Variants in ADGRL2 observed in about 807,000 individuals in gnomAD.
ADGRL2 encodes calcium-independent alpha-latrotoxin receptor 2.
In ADGRL2, 44 loss-of-function variants were observed where a neutral mutation model predicts 157.4. The ratio of observed to expected loss-of-function variants is 0.28; its 90% CI spans 0.22 to 0.36. ADGRL2 has a LOEUF of 0.36. ADGRL2 is among the 10% of genes least tolerant of loss of function. The pLI, the probability that ADGRL2 is intolerant of heterozygous loss-of-function variation, is 1.00. For synonymous variants in ADGRL2, 585 were observed against 624.7 expected, an observed-to-expected ratio of 0.94 and a Z score of 0.95; for missense variants, 1,510 against 1,768.9, an observed-to-expected ratio of 0.85 and a Z score of 2.63.
At chr1:81,488,754 C>T (rs983609909) in intron 2 of ADGRL2, among the ~76,000 whole-genome samples, 1 of 151,336 alleles carries the variant, frequency 6.6e-6, no homozygotes, top group Non-Finnish European at 1.5e-5. Context: ...AACCATGAGT[C>T]GTACAAAGAA....
chr1:81,953,140 C>G (rs1652381065), intron 10 of ADGRL2, 115 bp downstream of exon 10: 1 of 805,952 alleles, frequency 1.2e-6, no homozygotes. Flanking sequence ...ATAATGTGCC[C>G]CATATCAGCT....
intron 3 of ADGRL2, among the ~76,000 whole-genome samples, chr1:81,683,669 G>GTGTA (rs954413076): frequency 2.6e-5 from 4 of 152,048 alleles, no homozygotes; most frequent in Non-Finnish European, 5.9e-5. Flanking sequence ...GTGTGTGTGT[G>GTGTA]TGTATGTATG....
chr1:81,592,995 T>C (rs4650373), intron 3 of ADGRL2, among the ~76,000 whole-genome samples: 54,293 of 152,026 alleles, frequency 0.36, 10,066 homozygotes, highest in Non-Finnish European at 0.4. Context: ...CTTCTGTTTA[T>C]GACCTAGAAG....
At chr1:81,492,650 T>C (rs879893959) in intron 2 of ADGRL2, among the ~76,000 whole-genome samples, 14 of 152,318 alleles carry the variant, frequency 9.2e-5, no homozygotes, top group Middle Eastern at 3.4e-3. Flanking sequence ...TTTCTAAAGT[T>C]GGAAAAACTA....
At chr1:81,433,555 T>G (rs934963360) in intron 1 of ADGRL2, among the ~76,000 whole-genome samples, 10 of 152,172 alleles carry the variant, frequency 6.6e-5, no homozygotes, top group Non-Finnish European at 1.3e-4. Context: ...TAGGCTGTTT[T>G]GGGGAGAGTT....
chr1:81,380,331 G>A (rs2076322607), intron 1 of ADGRL2, among the ~76,000 whole-genome samples: 1 of 152,254 alleles, frequency 6.6e-6, no homozygotes, highest in African/African-American at 2.4e-5. Flanking sequence ...CTTATTAAAC[G>A]TAGAATGGGA....
intron 1 of ADGRL2, among the ~76,000 whole-genome samples, chr1:81,430,548 G>T (rs1024478928): frequency 9.8e-5 from 15 of 152,294 alleles, no homozygotes; most frequent in African/African-American, 2.4e-4. Flanking sequence ...TGGTGTAAAA[G>T]TTGCCAGGTC....
At chr1:81,722,218 G>A (rs544266780) in intron 1 of ADGRL2, 29 of 377,556 alleles carry the variant, frequency 7.7e-5, no homozygotes, top group African/African-American at 4.2e-4. Context: ...GCATGAACCC[G>A]GGAGGCGGAG....
chr1:81,624,181 A>T (rs1362276664), intron 3 of ADGRL2, among the ~76,000 whole-genome samples: 1 of 152,218 alleles, frequency 6.6e-6, no homozygotes, highest in Admixed American at 6.5e-5. Flanking sequence ...CTGTGAGAGA[A>T]TACATTTCTG....
At chr1:81,830,734 T>C (rs1427161658) in intron 1 of ADGRL2, among the ~76,000 whole-genome samples, 5 of 152,124 alleles carry the variant, frequency 3.3e-5, no homozygotes, top group African/African-American at 1.2e-4. Context: ...CTCGAACTCC[T>C]GACCTCAGGT....
At chr1:81,611,752 C>G (rs528292874) in intron 3 of ADGRL2, among the ~76,000 whole-genome samples, 4 of 152,270 alleles carry the variant, frequency 2.6e-5, no homozygotes, top group Admixed American at 2.6e-4. Flanking sequence ...TACCCTAGAC[C>G]TGCTGATATG....
At chr1:81,579,023 A>G (rs893847376) in intron 2 of ADGRL2, among the ~76,000 whole-genome samples, 25 of 152,170 alleles carry the variant, frequency 1.6e-4, no homozygotes, top group Admixed American at 1.4e-3. Context: ...CAGTGTAGCC[A>G]CTAATGAGGA....
chr1:81,523,049 T>C (rs1400579832), intron 2 of ADGRL2, among the ~76,000 whole-genome samples: 1 of 126,530 alleles, frequency 7.9e-6, no homozygotes, highest in African/African-American at 4.3e-5. Context: ...GAAAAAAAGT[T>C]ACCTGGAAAA....
chr1:81,744,662 A>C lies in ADGRL2; in HGVS notation c.-142-17149A>C, dbSNP rs142863768. ...GCTGAAGATTGTCTCTCCTGGACTTAGTGTACCAAATACTGCTCAAAATTA... is the reference window on the plus strand; with the variant it reads ...GCTGAAGATTGTCTCTCCTGGACTTCGTGTACCAAATACTGCTCAAAATTA... On this transcript the variant is annotated intron_variant, in intron 1 of 20. Coordinates refer to the ADGRL2 transcript ENST00000359929. Among the ~76,000 whole-genome samples the C allele has an allele frequency of 7.7e-3, 1,175 of 152,298 alleles. 16 individuals are homozygous for C. Among genetic ancestry groups the C allele is most frequent in the African/African-American group, 0.026 (1,072 of 41,566 alleles).
chr1:81,466,195 A>G (rs1467878002), intron 2 of ADGRL2, among the ~76,000 whole-genome samples: 1 of 152,224 alleles, frequency 6.6e-6, no homozygotes, highest in Non-Finnish European at 1.5e-5. Flanking sequence ...TGTCAGGTGC[A>G]AGGGTCTGGT....
At chr1:81,591,862 C>T (rs1292087838) in intron 3 of ADGRL2, among the ~76,000 whole-genome samples, 1 of 152,154 alleles carries the variant, frequency 6.6e-6, no homozygotes, top group East Asian at 1.9e-4. Flanking sequence ...AAAGTGGATA[C>T]TTCCCCAGTT....
At chr1:81,963,548 CT>C (rs995407852) in intron 11 of ADGRL2, among the ~76,000 whole-genome samples, 6 of 151,836 alleles carry the variant, frequency 4.0e-5, no homozygotes, top group Admixed American at 6.6e-5. Context: ...GATAAGAAAA[CT>C]TCTATCTGGT....
intron 1 of ADGRL2, among the ~76,000 whole-genome samples, chr1:81,444,364 A>G (rs1423716498): frequency 3.3e-5 from 5 of 152,192 alleles, no homozygotes; most frequent in African/African-American, 1.2e-4. Context: ...ACCTAACAGG[A>G]GAGTAAATCC....
At chr1:81,376,571 C>T (rs1408447453) in intron 1 of ADGRL2, among the ~76,000 whole-genome samples, 1 of 151,350 alleles carries the variant, frequency 6.6e-6, no homozygotes, top group Non-Finnish European at 1.5e-5. Flanking sequence ...TCCCTTCCTT[C>T]CCTCCTTCCT....
Sources: allele counts gnomAD v4.1 joint callset (sites outside exome capture counted in the v4.1 genomes callset), GRCh38; gene constraint gnomAD v4.1.1; transcripts MANE v1.5; gene names NCBI Gene and HGNC (gene_info 2026-07-23, HGNC 2026-07-21).